JAZF1: variants seen among roughly 807,000 people sequenced by gnomAD.
The protein encoded by JAZF1 is juxtaposed with another zinc finger protein 1.
In JAZF1, 8 loss-of-function variants were observed where a neutral mutation model predicts 26.4. The ratio of observed to expected loss-of-function variants is 0.30; its 90% CI spans 0.18 to 0.55. JAZF1 has a LOEUF of 0.55. Ranked by LOEUF, JAZF1 falls within the 20% of genes least tolerant of loss-of-function variation. The pLI, the probability that JAZF1 is intolerant of heterozygous loss-of-function variation, is 0.94. For synonymous variants in JAZF1, 126 were observed against 122.3 expected (o/e 1.03, Z -0.20); for missense variants, 199 against 322.0 (o/e 0.62, Z 2.92).
intron 2 of JAZF1, among the ~76,000 whole-genome samples, chr7:27,898,304 T>TATATATATATATATATATACACAC (rs375859244): frequency 7.8e-6 from 1 of 128,932 alleles, no homozygotes; most frequent in Non-Finnish European, 1.6e-5. Flanking sequence ...TATATATATA[T>TATATATATATATATATATACACAC]ACATCGGTTT....
At chr7:28,110,483 G>GAAAAGA (rs150086052) in intron 1 of JAZF1, among the ~76,000 whole-genome samples, 2 of 57,784 alleles carry the variant, frequency 3.5e-5, no homozygotes, top group Non-Finnish European at 7.2e-5. Flanking sequence ...GAAAGGAAAG[G>GAAAAGA]AAAGGAAAGG....
In JAZF1 at chr7:27,832,835, C is replaced by T; in HGVS notation, c.697G>A (p.Val233Met). The T allele has an allele frequency of 6.2e-7, 1 of 1,607,208 alleles. No individual in the cohort carries two copies. Among genetic ancestry groups the T allele is most frequent in the Non-Finnish European group, 8.5e-7 (1 of 1,176,290 alleles). The change falls in exon 5 of 5, where the codon GTG becomes ATG. Residue 233 changes from valine to methionine, a missense_variant. Val to Met is a conservative substitution (Grantham distance 21, BLOSUM62 1). Around this residue, in one of 2 missense-constraint regions of JAZF1, gnomAD observed 62 missense variants for 137.2 expected, o/e 0.45. Transcript: ENST00000283928. ...RHHTINFHPP[V>M]SAEIIRKMQQ is the part of the protein sequence containing the mutation. ...ATCTTCCTGATAATCTCAGCCGACA[C>T]CGGGGGATGGAAATTGATTGTGTGG...
chr7:28,080,418 C>A (rs919808134), intron 1 of JAZF1, among the ~76,000 whole-genome samples: 1 of 152,220 alleles, frequency 6.6e-6, no homozygotes, highest in Non-Finnish European at 1.5e-5. Context: ...TGGAGTAACA[C>A]TTTTAATTTC....
chr7:28,067,659 G>T (rs1026937306), intron 1 of JAZF1, among the ~76,000 whole-genome samples: 1 of 152,206 alleles, frequency 6.6e-6, no homozygotes, highest in African/African-American at 2.4e-5. Context: ...GAAGAAGGTA[G>T]ATTTGGGCCA....
chr7:28,093,070 T>C (rs1301626510), intron 1 of JAZF1, among the ~76,000 whole-genome samples: 1 of 152,184 alleles, frequency 6.6e-6, no homozygotes, highest in Non-Finnish European at 1.5e-5. Context: ...TTTAAAATTT[T>C]GATGTTTTAA....
chr7:28,113,144 C>T (rs1022737913), intron 1 of JAZF1, among the ~76,000 whole-genome samples: 1 of 152,154 alleles, frequency 6.6e-6, no homozygotes, highest in South Asian at 2.1e-4. Flanking sequence ...TTCTCAGAGT[C>T]CGGCCTGTTG....
At chr7:27,880,259 A>G (rs1202439645) in intron 3 of JAZF1, among the ~76,000 whole-genome samples, 3 of 152,208 alleles carry the variant, frequency 2.0e-5, no homozygotes, top group Non-Finnish European at 2.9e-5. Flanking sequence ...TTGGAAAGCA[A>G]AAAAGGGAAG....
intron 1 of JAZF1, among the ~76,000 whole-genome samples, chr7:27,998,357 C>T (rs2128366983): frequency 6.6e-6 from 1 of 152,244 alleles, no homozygotes; most frequent in East Asian, 1.9e-4. Flanking sequence ...GCAACTTTTA[C>T]CCCACTTTGA....
At chr7:28,025,859 C>A (rs934521392) in intron 1 of JAZF1, among the ~76,000 whole-genome samples, 10 of 152,172 alleles carry the variant, frequency 6.6e-5, no homozygotes, top group African/African-American at 2.2e-4. Flanking sequence ...GTTACTCTAG[C>A]CAAATGCACA....
chr7:28,151,109 ATATTT>A (rs926058709), intron 1 of JAZF1, among the ~76,000 whole-genome samples: 4 of 54,574 alleles, frequency 7.3e-5, no homozygotes, highest in Non-Finnish European at 1.4e-4. Flanking sequence ...ATATATATAT[ATATTT>A]TTTTTTTGAG....
chr7:28,054,282 G>T (rs919580316), intron 1 of JAZF1, among the ~76,000 whole-genome samples: 1 of 152,180 alleles, frequency 6.6e-6, no homozygotes, highest in East Asian at 1.9e-4. Flanking sequence ...AGTAGTTATA[G>T]AAGTTGAAGA....
chr7:28,069,792 C>T (rs2127909557), intron 1 of JAZF1, among the ~76,000 whole-genome samples: 1 of 152,270 alleles, frequency 6.6e-6, no homozygotes, highest in East Asian at 1.9e-4. Flanking sequence ...AGGTCTGCAG[C>T]ATTCACCATG....
At chr7:27,921,335 C>CT (rs111359758) in intron 2 of JAZF1, among the ~76,000 whole-genome samples, 2,098 of 139,582 alleles carry the variant, frequency 0.015, 30 homozygotes, top group African/African-American at 0.038. Flanking sequence ...CAGCAAGTAT[C>CT]TTTTTTTTTT....
At chr7:27,986,229 A>G (rs1241800369) in intron 2 of JAZF1, among the ~76,000 whole-genome samples, 1 of 152,260 alleles carries the variant, frequency 6.6e-6, no homozygotes, top group Non-Finnish European at 1.5e-5. Context: ...GTCTCAGCCC[A>G]AAATCTCCTT....
rs569014125 is a variant in JAZF1, at chr7:27,899,144, T to A, written c.189-3728A>T. ...AGTAAATTCTCAAGTTTTTGAGCAA[T>A]GTTCCATCAGCACAGCTGTCTGTCA... On this transcript the variant is annotated intron_variant, in intron 2 of 4. Transcript: ENST00000283928. 2.0e-5 allele frequency among the ~76,000 whole-genome samples: 3 copies of A among 152,362 alleles called. No individual in the cohort carries two copies. The South Asian group carries it at 6.2e-4, about 32-fold the overall frequency.
chr7:27,957,548 CG>C (rs1398323534), intron 2 of JAZF1, among the ~76,000 whole-genome samples: 1 of 152,162 alleles, frequency 6.6e-6, no homozygotes, highest in Admixed American at 6.5e-5. Context: ...TACATTCAAA[CG>C]GAGCACTTTG....
chr7:28,161,608 G>A (rs1163136562), intron 1 of JAZF1, among the ~76,000 whole-genome samples: 1 of 152,172 alleles, frequency 6.6e-6, no homozygotes, highest in Non-Finnish European at 1.5e-5. Context: ...TCTTCACAGA[G>A]AATCATGGAG....
intron 2 of JAZF1, among the ~76,000 whole-genome samples, chr7:27,897,081 C>CT (rs34234809): frequency 0.15 from 22,174 of 150,254 alleles, 2,187 homozygotes; most frequent in East Asian, 0.43. Context: ...AGAACTAGTG[C>CT]TTTTTTTTTT....
chr7:27,852,306 G>T (rs947235792), intron 3 of JAZF1, among the ~76,000 whole-genome samples: 3 of 151,772 alleles, frequency 2.0e-5, no homozygotes, highest in Admixed American at 2.0e-4. Flanking sequence ...TAATTTTTTT[G>T]TATTTTTAGT....
Sources: allele counts gnomAD v4.1 joint callset (sites outside exome capture counted in the v4.1 genomes callset), GRCh38; gene constraint gnomAD v4.1.1; regional missense constraint gnomAD v4.1.1; transcripts MANE v1.5; gene names NCBI Gene and HGNC (gene_info 2026-07-23, HGNC 2026-07-21).